The following R3HDM2 variants were observed in gnomAD, a reference collection of about 807,000 sequenced individuals.
R3HDM2 encodes R3H domain-containing protein 2.
Under a neutral mutation model 124.5 loss-of-function variants are expected in R3HDM2, and 38 were observed. That is an observed-to-expected ratio of 0.31 (90% CI 0.24 to 0.40). The LOEUF (loss-of-function observed/expected upper bound fraction) is 0.40. Ranked by LOEUF, R3HDM2 falls within the 10% of genes least tolerant of loss-of-function variation. The probability of loss-of-function intolerance (pLI) is 1.00; values close to 1 mark genes in which losing one functional copy is unlikely to be tolerated. For missense variants in R3HDM2, 869 were observed against 1,236.9 expected (o/e 0.70, Z 4.46); for synonymous variants, 391 against 448.0 (o/e 0.87, Z 1.61).
chr12:57,369,091 G>A (rs2063009158), intron 2 of R3HDM2, among the ~76,000 whole-genome samples: 1 of 152,068 alleles, frequency 6.6e-6, no homozygotes, highest in Non-Finnish European at 1.5e-5. Flanking sequence ...CTTTACTCAA[G>A]AACTTTCTTG....
At chr12:57,265,837 C>G (rs1755182920) in intron 19 of R3HDM2, among the ~76,000 whole-genome samples, 2 of 151,354 alleles carry the variant, frequency 1.3e-5, no homozygotes, top group African/African-American at 4.9e-5. Flanking sequence ...CGCTTTGTCG[C>G]CCAGGCTGGA....
intron 1 of R3HDM2, among the ~76,000 whole-genome samples, chr12:57,415,053 C>A (rs770704301): frequency 1.3e-5 from 2 of 152,030 alleles, no homozygotes; most frequent in African/African-American, 4.8e-5. Context: ...CTTGAAGGAG[C>A]TCCCTCAAGC....
intron 1 of R3HDM2, among the ~76,000 whole-genome samples, chr12:57,406,436 TAAAC>T (rs1387213466): frequency 2.0e-5 from 3 of 152,004 alleles, no homozygotes; most frequent in Non-Finnish European, 2.9e-5. Context: ...AAAATGTTAA[TAAAC>T]AAACTAATTA....
chr12:57,354,544 T>G (rs1242289942), intron 2 of R3HDM2, among the ~76,000 whole-genome samples: 1 of 152,098 alleles, frequency 6.6e-6, no homozygotes, highest in African/African-American at 2.4e-5. Flanking sequence ...TTCGCCTGCC[T>G]CAGCCTCCCA....
chr12:57,413,819 A>G (rs2069247199), intron 1 of R3HDM2, among the ~76,000 whole-genome samples: 1 of 150,460 alleles, frequency 6.6e-6, no homozygotes, highest in East Asian at 2.0e-4. Context: ...GGGAAGACAC[A>G]GAGAGTCTTA....
chr12:57,412,077 C>T (rs2069056036), intron 1 of R3HDM2, among the ~76,000 whole-genome samples: 1 of 152,214 alleles, frequency 6.6e-6, no homozygotes, highest in South Asian at 2.1e-4. Context: ...CCATTCGAAA[C>T]TGTGAGTCAA....
chr12:57,264,076 T>C (rs2041621176), intron 19 of R3HDM2, among the ~76,000 whole-genome samples: 1 of 151,376 alleles, frequency 6.6e-6, no homozygotes, highest in Non-Finnish European at 1.5e-5. Context: ...ACGCCGTCTC[T>C]ACTAAAAATT....
Position 57,356,223 on chromosome 12 carries a change from A to G in R3HDM2, c.-36+39526T>C, listed in dbSNP as rs144902712. 5.7e-3 allele frequency among the ~76,000 whole-genome samples: 868 copies of G among 152,252 alleles called. 6 individuals carry two copies. Among genetic ancestry groups the G allele is most frequent in the African/African-American group, 0.02 (828 of 41,548 alleles). ...GTTTTTCATAAATGCCCTCTATCCA[A>G]TTGAAGACATTTCCTTCTCATTTAT... On this transcript the variant is annotated intron_variant, in intron 2 of 23. Transcript: ENST00000402412.
At chr12:57,344,456 T>C (rs2059900627) in intron 2 of R3HDM2, among the ~76,000 whole-genome samples, 2 of 152,180 alleles carry the variant, frequency 1.3e-5, no homozygotes, top group African/African-American at 4.8e-5. Flanking sequence ...TCCCAGCATA[T>C]GAAGAATCAA....
intron 2 of R3HDM2, among the ~76,000 whole-genome samples, chr12:57,379,288 T>C (rs1451402494): frequency 6.6e-6 from 1 of 152,062 alleles, no homozygotes; most frequent in Non-Finnish European, 1.5e-5. Flanking sequence ...CAATAAAAAA[T>C]TGGAAAATGA....
chr12:57,299,222 T>C, intron 6 of R3HDM2, 130 bp downstream of exon 6: 1 of 1,048,416 alleles, frequency 9.5e-7, no homozygotes, highest in Non-Finnish European at 1.4e-6. Context: ...TCGTTAGGCA[T>C]CTCCTCAAGC....
At position 57,397,950 on chromosome 12, in the gene R3HDM2, A is replaced by G. The variant is rs1336913608; in HGVS notation, c.-105-2132T>C. Among the ~76,000 whole-genome samples, 3 of 152,312 alleles carry G rather than the reference A, an allele frequency of 2.0e-5. No homozygotes were observed. The East Asian group carries it at 5.8e-4, about 29-fold the overall frequency. On this transcript the variant is annotated intron_variant, in intron 1 of 23. Transcript: ENST00000402412. ...TATAATCCCAGCACTTTGGGAGGCT[A>G]AGGCGGGCGAATCACGAGCTCAGGA...
chr12:57,265,418 A>T (rs892813302), intron 19 of R3HDM2, among the ~76,000 whole-genome samples: 1 of 152,120 alleles, frequency 6.6e-6, no homozygotes, highest in African/African-American at 2.4e-5. Context: ...GAGAAAAGAA[A>T]TGCTGTCTAT....
At chr12:57,322,428 T>G (rs781531418) in intron 2 of R3HDM2, among the ~76,000 whole-genome samples, 1 of 152,090 alleles carries the variant, frequency 6.6e-6, no homozygotes, top group Non-Finnish European at 1.5e-5. Flanking sequence ...TTCTTTGACA[T>G]TGGGAATTAG....
At chr12:57,429,075 T>A (rs1442089912) in intron 1 of R3HDM2, among the ~76,000 whole-genome samples, 2 of 152,126 alleles carry the variant, frequency 1.3e-5, no homozygotes, top group Non-Finnish European at 2.9e-5. Context: ...ATTTGTCAAA[T>A]TTTTTTAAAA....
chr12:57,343,483 C>T (rs2059791503), intron 2 of R3HDM2, among the ~76,000 whole-genome samples: 1 of 151,888 alleles, frequency 6.6e-6, no homozygotes, highest in Non-Finnish European at 1.5e-5. Context: ...GCCACCGAGC[C>T]TAGCCTCGGA....
intron 19 of R3HDM2, among the ~76,000 whole-genome samples, chr12:57,259,637 G>T (rs1335870777): frequency 6.6e-6 from 1 of 152,186 alleles, no homozygotes; most frequent in Non-Finnish European, 1.5e-5. Flanking sequence ...AATGATTCAA[G>T]GTGCTAAGAC....
At chr12:57,276,701 C>T (rs1219135609) in intron 14 of R3HDM2, among the ~76,000 whole-genome samples, 1 of 152,118 alleles carries the variant, frequency 6.6e-6, no homozygotes, top group Non-Finnish European at 1.5e-5. Context: ...GCCTGACCTA[C>T]ATGGTGAAAC....
At chr12:57,424,184 C>T (rs774313799) in intron 1 of R3HDM2, among the ~76,000 whole-genome samples, 2 of 146,934 alleles carry the variant, frequency 1.4e-5, no homozygotes. Context: ...GGTATACATT[C>T]ACCTGCTACA....
Sources: allele counts gnomAD v4.1 joint callset (sites outside exome capture counted in the v4.1 genomes callset), GRCh38; gene constraint gnomAD v4.1.1; transcripts MANE v1.5; gene names NCBI Gene and HGNC (gene_info 2026-07-23, HGNC 2026-07-21).